ANO2: variants seen among roughly 807,000 people sequenced by gnomAD.
ANO2 encodes the protein anoctamin 2.
ANO2 carries 101 observed loss-of-function variants against 124.2 expected under a neutral mutation model. The observed-to-expected ratio is 0.81, with a 90% confidence interval of 0.69 to 0.96. The LOEUF (loss-of-function observed/expected upper bound fraction) is 0.96, where lower values mean the gene tolerates loss of function less well. Among genes scored for constraint, ANO2 ranks in the 40% least tolerant of loss-of-function variants. The pLI is 0.00. For synonymous variants in ANO2, 486 were observed against 482.5 expected (o/e 1.01, Z -0.09); for missense variants, 1,293 against 1,274.5 (o/e 1.01, Z -0.22).
intron 19 of ANO2, among the ~76,000 whole-genome samples, chr12:5,609,435 G>A (rs1242961009): frequency 6.6e-6 from 1 of 152,148 alleles, no homozygotes; most frequent in Admixed American, 6.6e-5. Flanking sequence ...AGATGACCCA[G>A]TGTTAGAAGG....
chr12:5,685,761 AGT>A (rs1948675993), intron 14 of ANO2, among the ~76,000 whole-genome samples: 1 of 151,986 alleles, frequency 6.6e-6, no homozygotes, highest in African/African-American at 2.4e-5. Context: ...TGGGCAACAA[AGT>A]GAGACCCTGT....
intron 16 of ANO2, among the ~76,000 whole-genome samples, chr12:5,624,629 C>T (rs564407179): frequency 6.6e-6 from 1 of 152,230 alleles, no homozygotes; most frequent in East Asian, 1.9e-4. Context: ...TTTTCTCATT[C>T]GACAAATATC....
chr12:5,930,699 C>G (rs770371770), intron 1 of ANO2, among the ~76,000 whole-genome samples: 7 of 152,056 alleles, frequency 4.6e-5, no homozygotes, highest in African/African-American at 7.2e-5. Flanking sequence ...TGAATTGGAC[C>G]CAGGACAACA....
chr12:5,773,885 G>C (rs138556758), intron 10 of ANO2, among the ~76,000 whole-genome samples: 187 of 152,264 alleles, frequency 1.2e-3, no homozygotes, highest in African/African-American at 4.1e-3. Flanking sequence ...AGGTCCCCCA[G>C]CAAGTTAGTG....
chr12:5,614,522 C>G lies in ANO2; in HGVS notation c.1928+664G>C, dbSNP rs139115366. Among the ~76,000 whole-genome samples, 579 of 152,288 alleles carry G rather than the reference C, an allele frequency of 3.8e-3. 5 individuals carry two copies. The highest frequency in any genetic ancestry group is 0.013 in the African/African-American group (535 of 41,550). ...AATCCAGTGTGCCAGGAGGGTGACA[C>G]ATCCTGAGGACATGGAAGCTTCATG... On this transcript the variant is annotated intron_variant, in intron 17 of 24. Coordinates refer to ENST00000682330, the MANE Select transcript of ANO2 (RefSeq NM_001364791.2).
At chr12:5,668,182 G>C (rs535287908) in intron 14 of ANO2, among the ~76,000 whole-genome samples, 1 of 152,136 alleles carries the variant, frequency 6.6e-6, no homozygotes, top group African/African-American at 2.4e-5. Flanking sequence ...AGTGTAAAGC[G>C]TTCCTGTTTC....
In ANO2 at chr12:5,921,241, C is replaced by A; in HGVS notation, c.333G>T (p.Gly111=). 1 of 1,613,938 alleles carries A rather than the reference C, an allele frequency of 6.2e-7. No homozygotes were observed. Among genetic ancestry groups the A allele is most frequent in the African/African-American group, 1.3e-5 (1 of 75,036 alleles). ...CAGGGAAGCCTTGGGCCAGGTGCAC[C>A]CCGCGTTTCCGGTAGTGGTAGGCAA... ...YVLAYHYRKR[G]VHLAQGFPGH... is the part of the protein sequence containing the mutation. The change falls in exon 3 of 25, where the codon GGG becomes GGT. Residue 111 remains glycine, a synonymous_variant. Transcript: ENST00000682330.
intron 1 of ANO2, among the ~76,000 whole-genome samples, chr12:5,933,770 C>G (rs1418806824): frequency 2.0e-5 from 3 of 152,178 alleles, no homozygotes; most frequent in African/African-American, 7.2e-5. Context: ...CTGATGCTCA[C>G]TCTGTGCCTC....
intron 4 of ANO2, among the ~76,000 whole-genome samples, chr12:5,846,062 T>G (rs1237831030): frequency 1.3e-5 from 2 of 152,264 alleles, no homozygotes; most frequent in African/African-American, 4.8e-5. Context: ...AATGTAAGAA[T>G]TATGAAATAT....
chr12:5,692,333 G>A (rs906930482), intron 14 of ANO2, among the ~76,000 whole-genome samples: 4 of 152,094 alleles, frequency 2.6e-5, no homozygotes, highest in Admixed American at 6.5e-5. Flanking sequence ...TTTTCTTTAT[G>A]TAAGATATTC....
At position 5,576,007 on chromosome 12, in the gene ANO2, G is replaced by A. The variant is rs1456672631; in HGVS notation, c.2448C>T (p.Val816=). 1.2e-6 allele frequency: 2 copies of A among 1,605,240 alleles called. No individual in the cohort carries two copies. Among genetic ancestry groups the A allele is most frequent in the Admixed American group, 3.4e-5 (2 of 58,712 alleles). ...GGATAAAGTCGGAGGTGATCGCAAT[G>A]ACAAAAGCCTGAGGGACAGAACCAT... The part of the protein sequence containing the change: ...GKFSVISNAF[V]IAITSDFIPR... The change falls in exon 23 of 25, where the codon GTC becomes GTT. Residue 816 remains valine (V), a synonymous_variant. Transcript: ENST00000682330.
intron 4 of ANO2, among the ~76,000 whole-genome samples, chr12:5,838,875 C>T (rs1247832419): frequency 6.6e-6 from 1 of 152,214 alleles, no homozygotes; most frequent in Non-Finnish European, 1.5e-5. Context: ...CAGGAGGCTG[C>T]CTCTTTGCTG....
intron 9 of ANO2, 77 bp from the exon 10 acceptor site, chr12:5,799,648 C>A: frequency 1.5e-6 from 2 of 1,324,944 alleles, no homozygotes; most frequent in South Asian, 2.5e-5. Context: ...CCTAACAAGT[C>A]AGATTTTTAT....
intron 14 of ANO2, among the ~76,000 whole-genome samples, chr12:5,682,755 C>T (rs941494994): frequency 3.3e-5 from 5 of 152,180 alleles, no homozygotes; most frequent in South Asian, 2.1e-4. Context: ...ACATGTCTAC[C>T]GCCATGCCAA....
chr12:5,765,298 C>T (rs896772340), intron 10 of ANO2, among the ~76,000 whole-genome samples: 1 of 152,118 alleles, frequency 6.6e-6, no homozygotes, highest in Non-Finnish European at 1.5e-5. Flanking sequence ...CCCAGGTACC[C>T]GGGAACAGTA....
chr12:5,794,854 G>A (rs930107635), intron 10 of ANO2, among the ~76,000 whole-genome samples: 2 of 152,194 alleles, frequency 1.3e-5, no homozygotes, highest in African/African-American at 4.8e-5. Context: ...GAAAAATCAA[G>A]GAGAAAGCAG....
intron 14 of ANO2, among the ~76,000 whole-genome samples, chr12:5,711,699 T>C (rs1294772836): frequency 6.6e-6 from 1 of 152,202 alleles, no homozygotes; most frequent in Non-Finnish European, 1.5e-5. Context: ...AATGTGAAAC[T>C]GCTCCCTTTC....
At chr12:5,647,309 G>A (rs1019343522) in intron 15 of ANO2, among the ~76,000 whole-genome samples, 4 of 152,170 alleles carry the variant, frequency 2.6e-5, no homozygotes, top group African/African-American at 7.2e-5. Context: ...AAGGTAAAGC[G>A]CAAGGAAATA....
chr12:5,636,605 TACACACACACACACACACAC>T lies in ANO2; in HGVS notation c.1621-1278_1621-1259del, dbSNP rs61059041. On this transcript the variant is annotated intron_variant, in intron 15 of 24. Transcript: ENST00000682330. The surrounding 1 kb of genome is among the most constrained non-coding windows in gnomAD (Gnocchi z 4.6). Reference sequence around the variant, plus strand: ...CCTGAAAAAATAAGCTGTGCTGGACTACACACACACACACACACACACACACACACACACACACACACACG... The same window carrying T: ...CCTGAAAAAATAAGCTGTGCTGGACTACACACACACACACACACACACACG... Among the ~76,000 whole-genome samples, 2 of 118,490 alleles carry T rather than the reference TACACACACACACACACACAC, an allele frequency of 1.7e-5. No homozygotes were observed. The highest frequency in any genetic ancestry group is 2.8e-4 in the East Asian group (1 of 3,588). 77.7% of individuals were successfully genotyped at this position (118,490 alleles called of 152,430 possible). A position where few individuals can be genotyped will look rare whatever the true frequency, so the allele number is the denominator to read the frequency against.
Sources: allele counts gnomAD v4.1 joint callset (sites outside exome capture counted in the v4.1 genomes callset), GRCh38; gene constraint gnomAD v4.1.1; non-coding constraint Gnocchi (gnomAD v3.1); transcripts MANE v1.5; gene names NCBI Gene and HGNC (gene_info 2026-07-23, HGNC 2026-07-21).